CEMIP: variants seen among roughly 807,000 people sequenced by gnomAD.
CEMIP encodes cell migration-inducing and hyaluronan-binding protein.
In CEMIP, 105 loss-of-function variants were observed where a neutral mutation model predicts 156.9. The observed-to-expected ratio is 0.67, with a 90% CI of 0.57 to 0.79. The LOEUF (loss-of-function observed/expected upper bound fraction) is 0.79, where lower values mean the gene tolerates loss of function less well. CEMIP is among the 30% of genes least tolerant of loss of function. CEMIP has a pLI of 0.00. For synonymous variants in CEMIP, 676 were observed against 668.4 expected (o/e 1.01, Z -0.17); for missense variants, 1,457 against 1,769.4 (o/e 0.82, Z 3.17).
At chr15:80,947,889 C>T (rs1901631134) in intron 29 of CEMIP, 1 of 152,172 alleles carries the variant, frequency 6.6e-6, no homozygotes, top group Non-Finnish European at 1.5e-5. Flanking sequence ...GGACTTGGAT[C>T]CTAATCTTCC....
At chr15:80,820,498 G>T (rs1253326929) in intron 1 of CEMIP, among the ~76,000 whole-genome samples, 8 of 152,170 alleles carry the variant, frequency 5.3e-5, no homozygotes, top group Non-Finnish European at 7.3e-5. Flanking sequence ...CCACAGTCAG[G>T]ATCATCAGTT....
chr15:80,884,334 C>T lies in CEMIP; in HGVS notation c.777C>T (p.His259=). ...RKAMTKLGSK[H]FLHLGFRHPW... is the part of the protein sequence containing the mutation. ...CGATGACCAAATTGGGAAGCAAACA[C>T]TTCCTGCACCTTGGATTTAGGTACT... The change falls in exon 7 of 30, where the codon CAC becomes CAT. Residue 259 remains histidine, a synonymous_variant. Coordinates refer to ENST00000394685, the MANE Select transcript of CEMIP (RefSeq NM_001293298.2). 1 of 1,614,222 alleles carries T rather than the reference C, an allele frequency of 6.2e-7. No individual in the cohort carries two copies. The highest frequency in any genetic ancestry group is 8.5e-7 in the Non-Finnish European group (1 of 1,180,036).
chr15:80,891,738 C>T (rs1217385514), intron 10 of CEMIP, among the ~76,000 whole-genome samples: 4 of 152,208 alleles, frequency 2.6e-5, no homozygotes, highest in African/African-American at 7.2e-5. Flanking sequence ...GGTGTTGCCA[C>T]GCTGGAGAGA....
chr15:80,929,723 C>T (rs921534041), intron 21 of CEMIP, among the ~76,000 whole-genome samples: 1 of 152,226 alleles, frequency 6.6e-6, no homozygotes, highest in Non-Finnish European at 1.5e-5. Context: ...TCTACACGGG[C>T]ACCGTGGGTT....
At chr15:80,940,764 A>G (rs1446137854) in intron 25 of CEMIP, among the ~76,000 whole-genome samples, 3 of 152,216 alleles carry the variant, frequency 2.0e-5, no homozygotes, top group Admixed American at 2.0e-4. Context: ...AGGTGCTGAC[A>G]GCAACCAAGA....
At chr15:80,827,138 C>T (rs562917509) in intron 1 of CEMIP, among the ~76,000 whole-genome samples, 1 of 152,286 alleles carries the variant, frequency 6.6e-6, no homozygotes, top group South Asian at 2.1e-4. Flanking sequence ...CCAGGTCTCA[C>T]CTGGGGATAG....
At chr15:80,789,184 A>T (rs1468747044) in intron 1 of CEMIP, among the ~76,000 whole-genome samples, 3 of 152,122 alleles carry the variant, frequency 2.0e-5, no homozygotes, top group African/African-American at 4.8e-5. Context: ...CCAGGCAGAG[A>T]TCAGTACCAG....
intron 1 of CEMIP, among the ~76,000 whole-genome samples, chr15:80,871,935 C>T (rs1898307002): frequency 6.6e-6 from 1 of 152,156 alleles, no homozygotes; most frequent in Admixed American, 6.5e-5. Flanking sequence ...CTGTTGTTCT[C>T]GGCAGAGCAG....
intron 19 of CEMIP, among the ~76,000 whole-genome samples, chr15:80,928,470 A>G (rs1900777262): frequency 6.6e-6 from 1 of 151,962 alleles, no homozygotes; most frequent in Non-Finnish European, 1.5e-5. Context: ...AGCAGTGAAG[A>G]TGGTAAAAGA....
chr15:80,841,766 C>T (rs1023202310), intron 1 of CEMIP, among the ~76,000 whole-genome samples: 2 of 152,128 alleles, frequency 1.3e-5, no homozygotes, highest in Non-Finnish European at 2.9e-5. Flanking sequence ...AGCAGTTGGC[C>T]GTATTGCTGG....
chr15:80,842,459 C>T (rs1359824369), intron 1 of CEMIP, among the ~76,000 whole-genome samples: 3 of 152,112 alleles, frequency 2.0e-5, no homozygotes, highest in South Asian at 2.1e-4. Context: ...GGGTTGGGTG[C>T]GGTGACTCAC....
chr15:80,947,298 A>C, intron 29 of CEMIP: 1 of 509,244 alleles, frequency 2.0e-6, no homozygotes, highest in African/African-American at 1.9e-5. Context: ...CCAGCCACTG[A>C]AAGAAAATTG....
chr15:80,928,539 C>T (rs1026325055), intron 19 of CEMIP, among the ~76,000 whole-genome samples: 11 of 152,100 alleles, frequency 7.2e-5, no homozygotes, highest in African/African-American at 1.2e-4. Flanking sequence ...GTCCTGAGAG[C>T]GGAAGGCCCT....
At chr15:80,841,772 G>T (rs1567065892) in intron 1 of CEMIP, among the ~76,000 whole-genome samples, 1 of 152,182 alleles carries the variant, frequency 6.6e-6, no homozygotes, top group Non-Finnish European at 1.5e-5. Flanking sequence ...TGGCCGTATT[G>T]CTGGGAATTA....
intron 6 of CEMIP, among the ~76,000 whole-genome samples, chr15:80,883,548 A>G (rs1209027284): frequency 6.6e-6 from 1 of 152,260 alleles, no homozygotes; most frequent in East Asian, 1.9e-4. Flanking sequence ...CAAATGTTAT[A>G]TGACTGCTAC....
At chr15:80,810,799 T>C (rs1054024994) in intron 1 of CEMIP, among the ~76,000 whole-genome samples, 12 of 123,074 alleles carry the variant, frequency 9.8e-5, no homozygotes, top group Non-Finnish European at 2.0e-4. Flanking sequence ...ATGTTATCCA[T>C]TCAACCATCC....
intron 1 of CEMIP, among the ~76,000 whole-genome samples, chr15:80,800,514 G>C (rs1896349120): frequency 6.6e-6 from 1 of 152,160 alleles, no homozygotes; most frequent in African/African-American, 2.4e-5. Flanking sequence ...CTTTTAAACT[G>C]TTGGTATTTC....
chr15:80,948,896 T>C lies in CEMIP; in HGVS notation c.4058T>C (p.Ile1353Thr), dbSNP rs1596217719. 2.5e-6 allele frequency: 4 copies of C among 1,614,204 alleles called. No individual in the cohort carries two copies. In the East Asian group the frequency reaches 8.9e-5, roughly 36 times the overall value. Residue 1353 changes from isoleucine (I) to threonine (T), a missense_variant, in exon 30 of 30, where the codon ATC becomes ACC. By Grantham distance (89) the Ile-to-Thr change is moderately conservative. Coordinates refer to ENST00000394685, the MANE Select transcript of CEMIP (RefSeq NM_001293298.2). ...GCCAAAATCTTCCAAGTTGTGCCCA[T>C]CCCTGTGGTGAAGAAGAAGAAGTTG... is the stretch of plus-strand genomic sequence containing the variant. ...HKAKIFQVVP[I>T]PVVKKKKL is the part of the protein sequence containing the mutation.
intron 1 of CEMIP, among the ~76,000 whole-genome samples, chr15:80,821,561 A>G (rs1596111889): frequency 2.0e-5 from 3 of 152,328 alleles, no homozygotes; most frequent in Admixed American, 2.0e-4. Context: ...AGCATATTCA[A>G]GAGGCCTGTG....
Sources: gnomAD v4.1 joint callset for allele counts (sites outside exome capture counted in the v4.1 genomes callset) on GRCh38, gnomAD v4.1.1 for gene constraint, MANE v1.5 for transcripts, NCBI Gene and HGNC (gene_info 2026-07-23, HGNC 2026-07-21) for gene names.